The following TOMM40 variants were observed in gnomAD, a reference collection of about 807,000 sequenced individuals.
The protein encoded by TOMM40 is mitochondrial import receptor subunit TOM40 homolog.
In TOMM40, 9 loss-of-function variants were observed where a neutral mutation model predicts 38.4. The ratio of observed to expected loss-of-function variants is 0.23; its 90% CI spans 0.14 to 0.41. The LOEUF (loss-of-function observed/expected upper bound fraction) is 0.41, where lower values mean the gene tolerates loss of function less well. Among genes scored for constraint, TOMM40 ranks in the 10% least tolerant of loss-of-function variants. The pLI is 1.00. For synonymous variants in TOMM40, 184 were observed against 210.0 expected (o/e 0.88, Z 1.07); for missense variants, 299 against 486.5 (o/e 0.61, Z 3.63).
chr19:44,893,773 C>T lies in TOMM40; in HGVS notation c.436-7C>T. On this transcript the variant is annotated splice_region_variant and splice_polypyrimidine_tract_variant and intron_variant, in intron 3 of 8. Transcript: ENST00000426677. ...CTCTGACCCCTTCCGTTCTCTCTGC[C>T]TCACAGGCGTTCCCTGTACTGGTGG... is the stretch of plus-strand genomic sequence containing the variant. The T allele has an allele frequency of 1.2e-6, 2 of 1,610,840 alleles. No homozygotes were observed. The highest frequency in any genetic ancestry group is 1.7e-6 in the Non-Finnish European group (2 of 1,178,830).
intron 4 of TOMM40, 27 bp downstream of exon 4, chr19:44,893,908 C>T (rs1969514861): frequency 1.2e-6 from 2 of 1,609,422 alleles, no homozygotes; most frequent in East Asian, 4.5e-5. Flanking sequence ...GGCTGCTGCT[C>T]CCCTCGGCCA....
At chr19:44,898,098 C>T (rs1437441087) in intron 5 of TOMM40, among the ~76,000 whole-genome samples, 1 of 152,144 alleles carries the variant, frequency 6.6e-6, no homozygotes, top group Non-Finnish European at 1.5e-5. Context: ...AACTCACGGC[C>T]TCTCTCACAC....
At chr19:44,901,456 G>C in intron 8 of TOMM40, 146 bp downstream of exon 8, 1 of 1,473,864 alleles carries the variant, frequency 6.8e-7, no homozygotes, top group South Asian at 1.4e-5. Context: ...TTAAAAGGTA[G>C]GTGGGGCCGG....
intron 3 of TOMM40, among the ~76,000 whole-genome samples, chr19:44,893,138 C>T: frequency 6.6e-6 from 1 of 152,176 alleles, no homozygotes; most frequent in East Asian, 1.9e-4. Flanking sequence ...TGGCCCCATG[C>T]TGAGCAGTGC....
intron 5 of TOMM40, among the ~76,000 whole-genome samples, chr19:44,898,370 C>T (rs1320681810): frequency 6.6e-6 from 1 of 152,060 alleles, no homozygotes; most frequent in Non-Finnish European, 1.5e-5. Context: ...GTCTCGTGGC[C>T]CCCAACCTCC....
chr19:44,899,759 T>C (rs909828688), intron 5 of TOMM40, among the ~76,000 whole-genome samples: 19 of 148,122 alleles, frequency 1.3e-4, no homozygotes, highest in African/African-American at 4.2e-4. Flanking sequence ...CTCCAAAGCA[T>C]TGGGATTACT....
At chr19:44,901,635 G>A (rs1050102153) in intron 8 of TOMM40, 7 of 476,526 alleles carry the variant, frequency 1.5e-5, no homozygotes, top group African/African-American at 1.4e-4. Flanking sequence ...AACTACTGAG[G>A]CTGAGGCGGG....
At chr19:44,891,802 T>A in intron 1 of TOMM40, 113 bp downstream of exon 1, 2 of 1,115,950 alleles carry the variant, frequency 1.8e-6, no homozygotes, top group Non-Finnish European at 2.3e-6. Context: ...TTAACAGCAC[T>A]AGGAGGTGAT....
chr19:44,891,962 G>C (rs1488887626), intron 1 of TOMM40, among the ~76,000 whole-genome samples: 1 of 152,186 alleles, frequency 6.6e-6, no homozygotes, highest in Non-Finnish European at 1.5e-5. Flanking sequence ...TCTTGTGATC[G>C]GGAAGGCAAC....
intron 2 of TOMM40, 26 bp from the exon 3 acceptor site, chr19:44,892,811 C>T (rs1025589963): frequency 1.3e-6 from 2 of 1,578,172 alleles, no homozygotes; most frequent in South Asian, 1.1e-5. Context: ...TGTCCAGTAT[C>T]GTCACAGCTC....
Position 44,893,812 on chromosome 19 carries a change from C to T in TOMM40, c.468C>T (p.Asn156=), listed in dbSNP as rs2122745652. The stretch of plus-strand genomic sequence containing the variant: ...CTGTACTGGTGGGTGACATGGACAA[C>T]AGTGGCAGTCTCAACGCTCAGGTCA... ...AFPVLVGDMD[N]SGSLNAQVIH... The change falls in exon 4 of 9, where the codon AAC becomes AAT. Residue 156 remains asparagine, a synonymous_variant. Transcript: ENST00000426677. 2.5e-6 allele frequency: 4 copies of T among 1,612,284 alleles called. No individual in the cohort carries two copies. In the South Asian group the frequency reaches 4.4e-5, roughly 18 times the overall value.
chr19:44,903,086 C>G lies in TOMM40; in HGVS notation c.1003C>G (p.Leu335Val). The G allele has an allele frequency of 6.2e-7, 1 of 1,612,902 alleles. No homozygotes were observed. Among genetic ancestry groups the G allele is most frequent in the Non-Finnish European group, 8.5e-7 (1 of 1,180,006 alleles). The change falls in exon 9 of 9, where the codon CTG (leucine) becomes GTG (valine). Residue 335 changes from leucine (L) to valine (V), a missense_variant. Leu to Val is a conservative substitution (Grantham distance 32). Transcript: ENST00000426677. Reference protein sequence around the residue: ...GATLEKKLPPLPLTLALGAFL... With the variant: ...GATLEKKLPPVPLTLALGAFL... Reference sequence around the variant, plus strand: ...CACGCTGGAGAAGAAGCTCCCACCCCTGCCCCTGACACTGGCCCTTGGGGC... The same window carrying G: ...CACGCTGGAGAAGAAGCTCCCACCCGTGCCCCTGACACTGGCCCTTGGGGC...
chr19:44,900,215 C>T (rs1009556726), intron 5 of TOMM40, among the ~76,000 whole-genome samples: 29 of 152,190 alleles, frequency 1.9e-4, no homozygotes, highest in African/African-American at 6.8e-4. Context: ...TCCTCACAAC[C>T]CCAAGAGGCA....
At chr19:44,892,579 G>C in intron 2 of TOMM40, 119 bp downstream of exon 2, 1 of 997,382 alleles carries the variant, frequency 1.0e-6, no homozygotes, top group Admixed American at 2.0e-5. Flanking sequence ...TACTTGAAAA[G>C]ACTCGGAGAT....
intron 5 of TOMM40, among the ~76,000 whole-genome samples, chr19:44,896,460 G>GCATGCACTC (rs1447287316): frequency 2.0e-5 from 3 of 152,184 alleles, no homozygotes; most frequent in African/African-American, 7.2e-5. Flanking sequence ...CCTCAGCACT[G>GCATGCACTC]GGCCACATGC....
At chr19:44,899,618 ATT>A (rs139644294) in intron 5 of TOMM40, among the ~76,000 whole-genome samples, 70,600 of 143,444 alleles carry the variant, frequency 0.49, 17,087 homozygotes, top group African/African-American at 0.56. Context: ...CCTGGCCTTG[ATT>A]TTTTTTTTTT....
chr19:44,896,920 G>T (rs1885476302), intron 5 of TOMM40, among the ~76,000 whole-genome samples: 1 of 152,174 alleles, frequency 6.6e-6, no homozygotes, highest in Non-Finnish European at 1.5e-5. Flanking sequence ...GGCATATGGT[G>T]GTACATGCCT....
chr19:44,901,945 GGTGTGGTAGC>G (rs1383540528), intron 8 of TOMM40: 1 of 152,734 alleles, frequency 6.5e-6, no homozygotes, highest in Admixed American at 6.5e-5. Context: ...AAATTAGCCA[GGTGTGGTAGC>G]GTGCTGCAAC....
chr19:44,901,457 G>A, intron 8 of TOMM40, 147 bp downstream of exon 8: 2 of 1,473,950 alleles, frequency 1.4e-6, no homozygotes, highest in Non-Finnish European at 9.0e-7. Context: ...TAAAAGGTAG[G>A]TGGGGCCGGG....
Sources: allele counts gnomAD v4.1 joint callset (sites outside exome capture counted in the v4.1 genomes callset), GRCh38; gene constraint gnomAD v4.1.1; transcripts MANE v1.5; gene names NCBI Gene and HGNC (gene_info 2026-07-23, HGNC 2026-07-21).